The following GC variants were observed in gnomAD, a reference collection of about 807,000 sequenced individuals.
GC encodes the protein vitamin D-binding protein.
In GC, 43 loss-of-function variants were observed where a neutral mutation model predicts 56.7. The ratio of observed to expected loss-of-function variants is 0.76; its 90% CI spans 0.59 to 0.98. The LOEUF (loss-of-function observed/expected upper bound fraction) is 0.98. Ranked by LOEUF, GC falls within the 50% of genes least tolerant of loss-of-function variation. GC has a pLI of 0.00. For missense variants in GC, 529 were observed against 545.9 expected, an observed-to-expected ratio of 0.97 and a Z score of 0.31; for synonymous variants, 216 against 202.7, an observed-to-expected ratio of 1.07 and a Z score of -0.56.
At chr4:71,764,266 G>A (rs186135601) in intron 4 of GC, among the ~76,000 whole-genome samples, 11 of 152,226 alleles carry the variant, frequency 7.2e-5, no homozygotes, top group Admixed American at 1.3e-4. Context: ...ACAGATGTGA[G>A]CCACCATGCT....
chr4:71,791,595 T>G (rs933107346), intron 1 of GC, among the ~76,000 whole-genome samples: 1 of 152,126 alleles, frequency 6.6e-6, no homozygotes, highest in African/African-American at 2.4e-5. Flanking sequence ...TATTCTTTGA[T>G]TTGTTTCATC....
intron 1 of GC, among the ~76,000 whole-genome samples, chr4:71,780,751 A>T: frequency 6.6e-6 from 1 of 152,152 alleles, no homozygotes; most frequent in Admixed American, 6.6e-5. Context: ...GCTGGAGAGG[A>T]TGTGGAGACA....
Position 71,741,838 on chromosome 4 carries a change from G to A in GC, c.*58C>T. 1.4e-6 allele frequency: 1 copy of A among 702,984 alleles called. No individual in the cohort carries two copies. The highest frequency in any genetic ancestry group is 2.6e-6 in the Non-Finnish European group (1 of 384,986). 43.5% of individuals were successfully genotyped at this position (702,984 alleles called of 1,614,324 possible). On this transcript the variant is annotated 3_prime_UTR_variant, in exon 13 of 13. Transcript: ENST00000273951. ...TGGTTTTGCTTAGGTTAGGTCATCA[G>A]AGATCATTCCCCTGGGTGGCTCCAA...
chr4:71,753,357 G>A (rs1001729387), intron 10 of GC, among the ~76,000 whole-genome samples: 1 of 152,002 alleles, frequency 6.6e-6, no homozygotes, highest in South Asian at 2.1e-4. Flanking sequence ...GTTGGGCTTG[G>A]CAAGAGTGGA....
intron 8 of GC, among the ~76,000 whole-genome samples, 178 bp from the exon 9 acceptor site, chr4:71,755,285 C>T (rs908342956): frequency 9.9e-5 from 15 of 151,898 alleles, no homozygotes; most frequent in Non-Finnish European, 4.4e-5. Flanking sequence ...GCCTCAGCCT[C>T]CCGAGTACCT....
At chr4:71,779,397 G>A (rs567361098) in intron 1 of GC, among the ~76,000 whole-genome samples, 1 of 151,924 alleles carries the variant, frequency 6.6e-6, no homozygotes, top group South Asian at 2.1e-4. Context: ...AATGGACTTG[G>A]AGTAGATGCC....
chr4:71,745,941 C>T (rs77319027), intron 12 of GC, among the ~76,000 whole-genome samples: 2,489 of 151,506 alleles, frequency 0.016, 61 homozygotes, highest in African/African-American at 0.056. Flanking sequence ...ACCAGTAAAC[C>T]TGGATTCTAG....
At chr4:71,768,475 G>GTTTT in intron 2 of GC, 42 bp from the exon 3 acceptor site, 1 of 1,278,958 alleles carries the variant, frequency 7.8e-7, no homozygotes, top group South Asian at 1.5e-5. Context: ...GAACTGAAAG[G>GTTTT]TTTTTTTTTT....
chr4:71,798,375 T>C (rs1283221537), intron 1 of GC, among the ~76,000 whole-genome samples: 1 of 152,252 alleles, frequency 6.6e-6, no homozygotes, highest in Non-Finnish European at 1.5e-5. Context: ...TTTTTTTGTT[T>C]GTTTATTTAC....
intron 6 of GC, chr4:71,759,527 C>T (rs1741895479): frequency 6.6e-6 from 1 of 152,108 alleles, no homozygotes; most frequent in African/African-American, 2.4e-5. Context: ...GCATTTCCCC[C>T]ATCCAATTAT....
At chr4:71,788,068 T>C (rs1317406555), upstream of GC, among the ~76,000 whole-genome samples, 1 of 151,878 alleles carries the variant, frequency 6.6e-6, no homozygotes, top group Non-Finnish European at 1.5e-5. Flanking sequence ...CTAGCACAGC[T>C]AGCACAGATA....
intron 1 of GC, among the ~76,000 whole-genome samples, chr4:71,796,598 TGG>T (rs1454471704): frequency 6.6e-6 from 1 of 152,242 alleles, no homozygotes; most frequent in African/African-American, 2.4e-5. Flanking sequence ...TTCCTTGTGA[TGG>T]GTTAGAACAT....
upstream of GC, among the ~76,000 whole-genome samples, chr4:71,785,132 G>A (rs1742802400): frequency 6.6e-6 from 1 of 151,718 alleles, no homozygotes; most frequent in Non-Finnish European, 1.5e-5. Context: ...TTCCTCATAT[G>A]CAATGTGGTG....
At chr4:71,781,270 G>T (rs980478340) in intron 1 of GC, among the ~76,000 whole-genome samples, 1 of 151,868 alleles carries the variant, frequency 6.6e-6, no homozygotes, top group African/African-American at 2.4e-5. Flanking sequence ...AGCATTAGGA[G>T]AAATACCTAA....
intron 10 of GC, among the ~76,000 whole-genome samples, chr4:71,753,617 G>C (rs1170472551): frequency 1.3e-5 from 2 of 152,002 alleles, no homozygotes; most frequent in Non-Finnish European, 2.9e-5. Context: ...CCTTATTGTG[G>C]CCTATTATTT....
chr4:71,796,691 C>A (rs1399375658), intron 1 of GC, among the ~76,000 whole-genome samples: 1 of 152,166 alleles, frequency 6.6e-6, no homozygotes, highest in East Asian at 1.9e-4. Context: ...ATTCTCCATC[C>A]AACTTTTTTC....
At position 71,755,114 on chromosome 4, in the gene GC, T is replaced by G. The variant is rs760432782; in HGVS notation, c.1035-7A>C. The G allele has an allele frequency of 6.8e-6, 10 of 1,479,458 alleles. No homozygotes were observed. In the African/African-American group the frequency reaches 1.4e-4, roughly 21 times the overall value. 91.6% of individuals were successfully genotyped at this position (1,479,458 alleles called of 1,614,324 possible). ...GCTTAGTTCAAATGTATACCTAGCA[T>G]GAGGGAGAAAAGGAGATATGTGTTA... On this transcript the variant is annotated splice_polypyrimidine_tract_variant and splice_region_variant and intron_variant, in intron 8 of 12. Transcript: ENST00000273951.
Position 71,799,210 on chromosome 4 carries a change from C to G in GC, c.21+4716G>C, listed in dbSNP as rs148749510. ...GAAGCATTTACTCAAGAAAATCTAC[C>G]ACACTTGGTAAGAAAAGTAAATCTG... On this transcript the variant is annotated intron_variant, in intron 1 of 13. Coordinates refer to the GC transcript ENST00000504199. Among the ~76,000 whole-genome samples, 468 of 152,224 alleles carry G rather than the reference C, an allele frequency of 3.1e-3. 3 individuals carry two copies. Among genetic ancestry groups the G allele is most frequent in the African/African-American group, 0.01 (429 of 41,532 alleles).
intron 1 of GC, among the ~76,000 whole-genome samples, chr4:71,797,985 G>C (rs930032972): frequency 6.6e-6 from 1 of 152,082 alleles, no homozygotes; most frequent in Non-Finnish European, 1.5e-5. Context: ...CCAATGTTTT[G>C]TTAGACCACT....
Sources: allele counts gnomAD v4.1 joint callset (sites outside exome capture counted in the v4.1 genomes callset), GRCh38; gene constraint gnomAD v4.1.1; transcripts MANE v1.5; gene names NCBI Gene and HGNC (gene_info 2026-07-23, HGNC 2026-07-21).